GRID2: variants seen among roughly 807,000 people sequenced by gnomAD.
GRID2 encodes the protein glutamate receptor ionotropic, delta-2.
GRID2 carries 33 observed loss-of-function variants against 114.8 expected under a neutral mutation model. The ratio of observed to expected loss-of-function variants is 0.29; its 90% CI spans 0.22 to 0.38. GRID2 has a LOEUF of 0.38. GRID2 is among the 10% of genes least tolerant of loss of function. The pLI, the probability that GRID2 is intolerant of heterozygous loss-of-function variation, is 1.00. For missense variants in GRID2, 1,184 were observed against 1,257.7 expected (o/e 0.94, Z 0.89); for synonymous variants, 505 against 449.9 (o/e 1.12, Z -1.55).
rs556235293 is a variant in GRID2 at position 92,544,898 on chromosome 4, A to G, written c.89-45233A>G. 2.6e-5 allele frequency among the ~76,000 whole-genome samples: 4 copies of G among 152,252 alleles called. No homozygotes were observed. The South Asian group carries it at 8.3e-4, about 32-fold the overall frequency. ...AAATCATGCCGCATTCTTATGTTCAATGACAGGGATTTATTTATTAGGTAA... is the reference window on the plus strand; with the variant it reads ...AAATCATGCCGCATTCTTATGTTCAGTGACAGGGATTTATTTATTAGGTAA... On this transcript the variant is annotated intron_variant, in intron 1 of 15. Transcript: ENST00000282020.
chr4:93,576,229 A>G (rs1736405785), intron 13 of GRID2, among the ~76,000 whole-genome samples: 1 of 152,136 alleles, frequency 6.6e-6, no homozygotes, highest in African/African-American at 2.4e-5. Context: ...TTGAGCAAGG[A>G]ATGTTTCTGG....
intron 2 of GRID2, among the ~76,000 whole-genome samples, chr4:92,603,586 C>T (rs1729322158): frequency 6.6e-6 from 1 of 151,946 alleles, no homozygotes; most frequent in South Asian, 2.1e-4. Context: ...TGATAAAAAC[C>T]CTACAAGAAA....
intron 1 of GRID2, among the ~76,000 whole-genome samples, chr4:92,335,384 C>T (rs1727111864): frequency 6.6e-6 from 1 of 152,148 alleles, no homozygotes; most frequent in South Asian, 2.1e-4. Context: ...GATTTATTGT[C>T]AAATAAGAGA....
intron 13 of GRID2, among the ~76,000 whole-genome samples, chr4:93,537,944 A>T (rs909351018): frequency 6.6e-6 from 1 of 151,732 alleles, no homozygotes; most frequent in Non-Finnish European, 1.5e-5. Context: ...ACAAATCAAT[A>T]ATTTCTAGGT....
intron 1 of GRID2, among the ~76,000 whole-genome samples, chr4:92,399,145 G>A (rs909300181): frequency 5.3e-5 from 8 of 152,042 alleles, no homozygotes; most frequent in Non-Finnish European, 5.9e-5. Context: ...GGACCCTCGG[G>A]GTATGTCATT....
chr4:93,584,026 C>T (rs1448180683), intron 13 of GRID2, among the ~76,000 whole-genome samples: 2 of 152,008 alleles, frequency 1.3e-5, no homozygotes, highest in Admixed American at 1.3e-4. Flanking sequence ...GAAAAATGAC[C>T]TCTATTAAAT....
At chr4:93,364,872 C>A (rs894377493) in intron 8 of GRID2, among the ~76,000 whole-genome samples, 1 of 152,100 alleles carries the variant, frequency 6.6e-6, no homozygotes, top group Non-Finnish European at 1.5e-5. Context: ...TTCTTTGCAA[C>A]TTGAGAGTTT....
intron 8 of GRID2, among the ~76,000 whole-genome samples, chr4:93,299,015 A>G (rs541207097): frequency 1.4e-4 from 22 of 152,362 alleles, no homozygotes; most frequent in African/African-American, 5.0e-4. Flanking sequence ...TTTGTCAAAG[A>G]GAAAAAATGT....
At chr4:93,286,690 T>A (rs28678937) in intron 8 of GRID2, among the ~76,000 whole-genome samples, 1 of 49,622 alleles carries the variant, frequency 2.0e-5, no homozygotes, top group Non-Finnish European at 5.2e-5. Flanking sequence ...TGTGTGTGTG[T>A]GGGGGTGTGT....
At chr4:93,702,942 A>G (rs938531101) in intron 14 of GRID2, among the ~76,000 whole-genome samples, 2 of 152,102 alleles carry the variant, frequency 1.3e-5, no homozygotes, top group Admixed American at 1.3e-4. Context: ...CTAGAATAGG[A>G]GATGCAATTT....
chr4:92,763,422 A>G (rs1162300551), intron 2 of GRID2, among the ~76,000 whole-genome samples: 2 of 152,192 alleles, frequency 1.3e-5, no homozygotes, highest in Admixed American at 1.3e-4. Context: ...ATTCAACCAA[A>G]TGTGGCTCAA....
chr4:93,453,437 A>C (rs1277227192), intron 10 of GRID2, among the ~76,000 whole-genome samples: 1 of 151,958 alleles, frequency 6.6e-6, no homozygotes, highest in Admixed American at 6.6e-5. Context: ...TTTCTCCTTG[A>C]AAATAGAATA....
intron 2 of GRID2, among the ~76,000 whole-genome samples, chr4:92,903,795 A>C (rs1747755285): frequency 6.6e-6 from 1 of 151,980 alleles, no homozygotes; most frequent in Non-Finnish European, 1.5e-5. Flanking sequence ...GCCAGGCAAG[A>C]ATCAAGGCAT....
intron 10 of GRID2, among the ~76,000 whole-genome samples, chr4:93,424,789 C>G (rs1768677251): frequency 6.6e-6 from 1 of 151,984 alleles, no homozygotes; most frequent in African/African-American, 2.4e-5. Flanking sequence ...ATTTGAGGCT[C>G]AGAGAATATT....
intron 2 of GRID2, among the ~76,000 whole-genome samples, chr4:92,999,772 G>A (rs1755423666): frequency 6.6e-6 from 1 of 151,218 alleles, no homozygotes; most frequent in African/African-American, 2.4e-5. Context: ...TAATTGCTGG[G>A]ATTAAGAGCA....
intron 2 of GRID2, among the ~76,000 whole-genome samples, chr4:93,038,891 A>G (rs1401920512): frequency 1.3e-5 from 2 of 152,118 alleles, no homozygotes; most frequent in Admixed American, 6.6e-5. Flanking sequence ...TTGTTCAACC[A>G]TTGTAGAAGA....
At chr4:93,631,515 T>A (rs1366482606) in intron 14 of GRID2, among the ~76,000 whole-genome samples, 1 of 152,234 alleles carries the variant, frequency 6.6e-6, no homozygotes, top group Non-Finnish European at 1.5e-5. Flanking sequence ...GGTTTCCACC[T>A]TCATCTATGT....
chr4:93,032,401 G>A (rs970268753), intron 2 of GRID2, among the ~76,000 whole-genome samples: 3 of 151,984 alleles, frequency 2.0e-5, no homozygotes, highest in African/African-American at 7.3e-5. Context: ...TTTTCTGGGG[G>A]TATTTATATG....
chr4:93,178,442 G>C (rs1218095381), intron 4 of GRID2, among the ~76,000 whole-genome samples: 2 of 130,098 alleles, frequency 1.5e-5, no homozygotes, highest in African/African-American at 3.0e-5. Context: ...TGCTTCTCAG[G>C]CTGGAGTACA....
Sources: allele counts gnomAD v4.1 joint callset (sites outside exome capture counted in the v4.1 genomes callset), GRCh38; gene constraint gnomAD v4.1.1; transcripts MANE v1.5; gene names NCBI Gene and HGNC (gene_info 2026-07-23, HGNC 2026-07-21).